IQSEC2: variants seen among roughly 807,000 people sequenced by gnomAD.
IQSEC2 encodes the protein IQ motif and Sec7 domain ArfGEF 2.
A neutral mutation model predicts 74.6 loss-of-function variants in IQSEC2; 6 were observed. That is an observed-to-expected ratio of 0.08 (90% CI 0.04 to 0.16). The LOEUF is 0.16. Among genes scored for constraint, IQSEC2 ranks in the 10% least tolerant of loss-of-function variants. The probability of loss-of-function intolerance (pLI) is 1.00; values close to 1 mark genes in which losing one functional copy is unlikely to be tolerated. For missense variants in IQSEC2, 734 were observed against 1,306.2 expected, an observed-to-expected ratio of 0.56 and a Z score of 6.75; for synonymous variants, 494 against 544.5, an observed-to-expected ratio of 0.91 and a Z score of 1.29.
chrX:53,294,489 C>A (rs1556873790), intron 1 of IQSEC2, among the ~76,000 whole-genome samples: 4 of 112,391 alleles, frequency 3.6e-5, no homozygotes, highest in African/African-American at 1.3e-4. Flanking sequence ...TTTTGGGAGG[C>A]AGTATAGACT....
rs2074839052 is a variant in IQSEC2, at chrX:53,276,662, T to G, written c.737+15233A>C. Among the ~76,000 whole-genome samples, 3 of 112,311 alleles carry G rather than the reference T, an allele frequency of 2.7e-5. No individual in the cohort carries two copies. The South Asian group carries it at 1.1e-3, about 41-fold the overall frequency. ...ATGTATCTAGGGCCTCACTGTTACATTTGATGATTCTCTTTGGTTTCTGAT... is the reference window on the plus strand; with the variant it reads ...ATGTATCTAGGGCCTCACTGTTACAGTTGATGATTCTCTTTGGTTTCTGAT... On this transcript the variant is annotated intron_variant, in intron 2 of 14. Transcript: ENST00000642864.
chrX:53,254,292 T>G (rs2074432199), intron 4 of IQSEC2, among the ~76,000 whole-genome samples: 1 of 104,724 alleles, frequency 9.5e-6, no homozygotes, highest in African/African-American at 3.6e-5. Context: ...ATCGTGCCAT[T>G]GCACTCCAGC....
intron 1 of IQSEC2, among the ~76,000 whole-genome samples, chrX:53,314,376 G>A (rs2075347956): frequency 8.9e-6 from 1 of 112,209 alleles, no homozygotes; most frequent in South Asian, 3.7e-4. Context: ...CTCAGTATAT[G>A]TCAGTTAAAT....
At chrX:53,271,446 G>A (rs1031147510) in intron 2 of IQSEC2, among the ~76,000 whole-genome samples, 1 of 111,250 alleles carries the variant, frequency 9.0e-6, no homozygotes, top group African/African-American at 3.3e-5. Flanking sequence ...CCCTGGCATG[G>A]ACTCATGTCC....
chrX:53,267,422 T>C (rs1481749865), intron 2 of IQSEC2, among the ~76,000 whole-genome samples: 1 of 112,226 alleles, frequency 8.9e-6, no homozygotes, highest in African/African-American at 3.2e-5. Flanking sequence ...ACAACAGCTC[T>C]GCAGAGGAGC....
chrX:53,276,390 A>G (rs1049601730), intron 2 of IQSEC2, among the ~76,000 whole-genome samples: 4 of 112,174 alleles, frequency 3.6e-5, no homozygotes, highest in African/African-American at 1.3e-4. Context: ...GTTTGCGTGT[A>G]TATTTATCTG....
At chrX:53,279,492 G>A in intron 2 of IQSEC2, 1 of 628,009 alleles carries the variant, frequency 1.6e-6, no homozygotes, top group South Asian at 2.7e-5. Flanking sequence ...GGAGGTGGGA[G>A]GGGCTGGCAA....
At chrX:53,312,347 A>G (rs1322106097) in intron 1 of IQSEC2, among the ~76,000 whole-genome samples, 1 of 111,597 alleles carries the variant, frequency 9.0e-6, no homozygotes, top group African/African-American at 3.3e-5. Flanking sequence ...GGCATGACAC[A>G]CTGGATAGCA....
At chrX:53,247,781 A>T (rs906554877) in intron 7 of IQSEC2, among the ~76,000 whole-genome samples, 1 of 112,318 alleles carries the variant, frequency 8.9e-6, no homozygotes, top group East Asian at 2.8e-4. Flanking sequence ...GAATAATAAC[A>T]GAAGTGCCTA....
rs1602256714 is a variant in IQSEC2 at position 53,234,462 on chromosome X, G to A, written c.4224C>T (p.Ser1408=). Residue 1408 remains serine, a synonymous_variant, in exon 15 of 15, where the codon TCC becomes TCT. Transcript: ENST00000642864. The stretch of plus-strand genomic sequence containing the variant: ...GGGAGTAGGAGCCCCCTGGTGGCCG[G>A]GATCCAGGGCCCCCAGCCGCGCCTG... ...PAAGAAGGPG[S]RPPGGSYSHP... is the part of the protein sequence containing the mutation. 1.8e-6 allele frequency: 2 copies of A among 1,085,377 alleles called. No homozygotes were observed. Among genetic ancestry groups the A allele is most frequent in the Non-Finnish European group, 1.2e-6 (1 of 833,197 alleles). The allele number at this position is 1,085,377 out of a possible 1,213,427, so 89.4% of individuals were successfully genotyped here.
chrX:53,303,866 C>A (rs782291394), intron 1 of IQSEC2, among the ~76,000 whole-genome samples: 3 of 109,695 alleles, frequency 2.7e-5, no homozygotes, highest in African/African-American at 1.0e-4. Context: ...CGCAGTGGCT[C>A]ACGCCTGCAA....
At chrX:53,238,842 C>T (rs1393394858) in intron 11 of IQSEC2, among the ~76,000 whole-genome samples, 1 of 110,224 alleles carries the variant, frequency 9.1e-6, no homozygotes, top group African/African-American at 3.3e-5. Flanking sequence ...ACTGCTCTCT[C>T]GAAACCCTTT....
intron 1 of IQSEC2, among the ~76,000 whole-genome samples, chrX:53,306,727 GGGA>G (rs1226213001): frequency 8.9e-6 from 1 of 111,892 alleles, no homozygotes; most frequent in Non-Finnish European, 1.9e-5. Flanking sequence ...ACTCATAACA[GGGA>G]GGAGGATGGG....
intron 2 of IQSEC2, among the ~76,000 whole-genome samples, chrX:53,269,749 G>A (rs1443794321): frequency 9.0e-6 from 1 of 110,980 alleles, no homozygotes; most frequent in Non-Finnish European, 1.9e-5. Context: ...GAGGAAGGTC[G>A]CCCAGGCCCT....
intron 2 of IQSEC2, among the ~76,000 whole-genome samples, chrX:53,276,855 C>A (rs1556869649): frequency 2.7e-5 from 3 of 112,432 alleles, no homozygotes; most frequent in Non-Finnish European, 5.6e-5. Context: ...TCTTTAATAT[C>A]TTAATACAAT....
At chrX:53,298,023 G>A (rs782408868) in intron 1 of IQSEC2, among the ~76,000 whole-genome samples, 1 of 111,843 alleles carries the variant, frequency 8.9e-6, no homozygotes, top group East Asian at 2.8e-4. Flanking sequence ...CCAGCTACTC[G>A]GGAGGCTGAA....
chrX:53,254,637 A>G lies in IQSEC2; in HGVS notation c.1294T>C (p.Tyr432His). Residue 432 changes from tyrosine to histidine, a missense_variant, in exon 4 of 15, where the codon TAT (tyrosine) becomes CAT (histidine). Tyr to His is a moderately conservative substitution (Grantham distance 83). Around this residue, in one of 12 missense-constraint regions of IQSEC2, gnomAD observed 204 missense variants for 305.4 expected, o/e 0.67. Transcript: ENST00000642864. ...ATGCCCCCACCACAGGAGCCTCCAT[A>G]TGGGAGCCCCCGTTCAAGCCGGTGG... is the stretch of plus-strand genomic sequence containing the variant. The part of the protein sequence containing the change: ...RSHRLERGLP[Y>H]GGSCGGGIDG... 1 of 1,206,121 alleles carries G rather than the reference A, an allele frequency of 8.3e-7. No individual in the cohort carries two copies. Among genetic ancestry groups the G allele is most frequent in the Non-Finnish European group, 1.1e-6 (1 of 892,429 alleles).
chrX:53,251,391 C>G (rs1411317475), intron 4 of IQSEC2, among the ~76,000 whole-genome samples: 1 of 110,232 alleles, frequency 9.1e-6, no homozygotes, highest in Non-Finnish European at 1.9e-5. Context: ...CTCACAGGAG[C>G]TGAGACTAAT....
chrX:53,287,677 G>A lies in IQSEC2; in HGVS notation c.737+4218C>T, dbSNP rs375565610. Among the ~76,000 whole-genome samples, 23 of 112,364 alleles carry A rather than the reference G, an allele frequency of 2.0e-4. 1 individual carries two copies. In the East Asian group the frequency reaches 2.2e-3, roughly 11 times the overall value. On this transcript the variant is annotated intron_variant, in intron 2 of 14. Transcript: ENST00000642864. ...CAGCTGCCAAGTGACTCATCCCCAGGGCTGCTAATTAAAGCCAGGACAGAG... is the reference window on the plus strand; with the variant it reads ...CAGCTGCCAAGTGACTCATCCCCAGAGCTGCTAATTAAAGCCAGGACAGAG...
Sources: gnomAD v4.1 joint callset for allele counts (sites outside exome capture counted in the v4.1 genomes callset) on GRCh38, gnomAD v4.1.1 for gene constraint, gnomAD v4.1.1 regional missense constraint, MANE v1.5 for transcripts, NCBI Gene and HGNC (gene_info 2026-07-23, HGNC 2026-07-21) for gene names.